ASAP1: variants seen among roughly 807,000 people sequenced by gnomAD.
The protein encoded by ASAP1 is arf-GAP with SH3 domain, ANK repeat and PH domain-containing protein 1.
A neutral mutation model predicts 145.2 loss-of-function variants in ASAP1; 43 were observed. The ratio of observed to expected loss-of-function variants is 0.30; its 90% CI spans 0.23 to 0.38. ASAP1 has a LOEUF of 0.38. Among genes scored for constraint, ASAP1 ranks in the 10% least tolerant of loss-of-function variants. ASAP1 has a pLI of 1.00. For missense variants in ASAP1, 1,018 were observed against 1,355.3 expected (o/e 0.75, Z 3.91); for synonymous variants, 546 against 515.5 (o/e 1.06, Z -0.80).
At chr8:130,356,603 G>GTA (rs779076486) in intron 3 of ASAP1, among the ~76,000 whole-genome samples, 2 of 152,122 alleles carry the variant, frequency 1.3e-5, no homozygotes, top group African/African-American at 2.4e-5. Flanking sequence ...TAGTTAGGTG[G>GTA]TATTTCTCCA....
At chr8:130,060,172 GAA>G (rs1413819228) in intron 28 of ASAP1, among the ~76,000 whole-genome samples, 8 of 151,168 alleles carry the variant, frequency 5.3e-5, no homozygotes, top group African/African-American at 1.9e-4. Context: ...CTCAGGAAAG[GAA>G]AAGTTTCATC....
In ASAP1 at chr8:130,137,123, G is replaced by A. The variant is rs1270817735; in HGVS notation, c.1081-85C>T. ...CAGTGCCCTGTAGGGCAGGTATGCT[G>A]TTCATAAGGCCTGCTCAGTGGTACA... On this transcript the variant is annotated intron_variant, in intron 13 of 29. Transcript: ENST00000518721. 4 of 1,083,580 alleles carry A rather than the reference G, an allele frequency of 3.7e-6. No individual in the cohort carries two copies. The African/African-American group carries it at 4.7e-5, about 13-fold the overall frequency. 67.1% of individuals were successfully genotyped at this position (1,083,580 alleles called of 1,614,324 possible).
At chr8:130,361,867 G>C in intron 2 of ASAP1, 1 of 831,544 alleles carries the variant, frequency 1.2e-6, no homozygotes, top group Non-Finnish European at 2.0e-6. Flanking sequence ...CCCAAAGCCA[G>C]GAAAAATGTG....
chr8:130,106,382 A>G (rs2097536896), intron 24 of ASAP1, among the ~76,000 whole-genome samples: 1 of 152,204 alleles, frequency 6.6e-6, no homozygotes, highest in African/African-American at 2.4e-5. Flanking sequence ...ATCATGCAGT[A>G]GTGTACTTTC....
intron 3 of ASAP1, among the ~76,000 whole-genome samples, chr8:130,253,999 C>A (rs1456529473): frequency 6.6e-6 from 1 of 152,040 alleles, no homozygotes; most frequent in Non-Finnish European, 1.5e-5. Flanking sequence ...CCAGTTTGGG[C>A]AACAAGAGTG....
At chr8:130,246,110 A>G (rs947289824) in intron 3 of ASAP1, among the ~76,000 whole-genome samples, 2 of 152,122 alleles carry the variant, frequency 1.3e-5, no homozygotes, top group Non-Finnish European at 2.9e-5. Context: ...GAAGTCTTAC[A>G]AAGTCCTACA....
chr8:130,232,353 G>A (rs1817954994), intron 4 of ASAP1, among the ~76,000 whole-genome samples: 1 of 152,180 alleles, frequency 6.6e-6, no homozygotes, highest in South Asian at 2.1e-4. Context: ...AAGGGCGAAG[G>A]AGGGAGAAAA....
chr8:130,303,891 T>C (rs575949446), intron 3 of ASAP1, among the ~76,000 whole-genome samples: 13 of 152,254 alleles, frequency 8.5e-5, no homozygotes, highest in African/African-American at 2.9e-4. Context: ...ATGTACAACA[T>C]AGAGTGAACT....
chr8:130,395,019 C>T (rs1828461399), intron 2 of ASAP1, among the ~76,000 whole-genome samples: 1 of 152,174 alleles, frequency 6.6e-6, no homozygotes, highest in Non-Finnish European at 1.5e-5. Flanking sequence ...CAACCATCAG[C>T]ATAAGAAGCA....
At chr8:130,251,487 A>T (rs1440829282) in intron 3 of ASAP1, among the ~76,000 whole-genome samples, 1 of 152,158 alleles carries the variant, frequency 6.6e-6, no homozygotes, top group Non-Finnish European at 1.5e-5. Context: ...GCCTCAAAAA[A>T]ATATACTATG....
intron 27 of ASAP1, among the ~76,000 whole-genome samples, chr8:130,062,058 C>T (rs2097420701): frequency 6.6e-6 from 1 of 152,208 alleles, no homozygotes; most frequent in South Asian, 2.1e-4. Context: ...AAAGAATTTA[C>T]TGACAAGCCC....
chr8:130,394,381 C>T (rs1200892959), intron 2 of ASAP1, among the ~76,000 whole-genome samples: 6 of 152,138 alleles, frequency 3.9e-5, no homozygotes, highest in Non-Finnish European at 5.9e-5. Flanking sequence ...ACTCCCATAG[C>T]GCTCCCAGGC....
At chr8:130,191,700 C>G (rs1456891515) in intron 5 of ASAP1, among the ~76,000 whole-genome samples, 1 of 152,132 alleles carries the variant, frequency 6.6e-6, no homozygotes, top group African/African-American at 2.4e-5. Context: ...ATATTATAAC[C>G]TACTGCAAGC....
At chr8:130,087,160 T>C (rs1488606874) in intron 25 of ASAP1, among the ~76,000 whole-genome samples, 1 of 152,130 alleles carries the variant, frequency 6.6e-6, no homozygotes, top group Non-Finnish European at 1.5e-5. Flanking sequence ...AGGAGCTGAA[T>C]GTCAGAGGTG....
chr8:130,076,681 C>T (rs903991937), intron 26 of ASAP1, among the ~76,000 whole-genome samples: 11 of 152,104 alleles, frequency 7.2e-5, no homozygotes, highest in East Asian at 1.9e-4. Flanking sequence ...CCACCACACC[C>T]GGCTAATTTT....
chr8:130,155,832 G>A (rs1479901183), intron 12 of ASAP1, among the ~76,000 whole-genome samples: 1 of 152,176 alleles, frequency 6.6e-6, no homozygotes, highest in Non-Finnish European at 1.5e-5. Flanking sequence ...TGCCACACAC[G>A]ATTACTGATT....
intron 3 of ASAP1, among the ~76,000 whole-genome samples, chr8:130,280,339 T>C (rs1208709995): frequency 1.3e-5 from 2 of 152,230 alleles, no homozygotes; most frequent in Non-Finnish European, 2.9e-5. Flanking sequence ...GTGTGTGATA[T>C]ATTCAATTGT....
At chr8:130,158,734 A>G (rs931955536) in intron 12 of ASAP1, among the ~76,000 whole-genome samples, 1 of 151,800 alleles carries the variant, frequency 6.6e-6, no homozygotes, top group Non-Finnish European at 1.5e-5. Context: ...ATGACATCAT[A>G]TGCTTTATGA....
At chr8:130,136,653 C>T (rs2097595498) in intron 14 of ASAP1, among the ~76,000 whole-genome samples, 1 of 150,658 alleles carries the variant, frequency 6.6e-6, no homozygotes, top group East Asian at 2.0e-4. Flanking sequence ...TAAGAAACAT[C>T]TCTCCAAGGG....
Sources: gnomAD v4.1 joint callset for allele counts (sites outside exome capture counted in the v4.1 genomes callset) on GRCh38, gnomAD v4.1.1 for gene constraint, MANE v1.5 for transcripts, NCBI Gene and HGNC (gene_info 2026-07-23, HGNC 2026-07-21) for gene names.